The following SLC25A17 variants were observed in gnomAD, a reference collection of about 807,000 sequenced individuals.
The protein encoded by SLC25A17 is solute carrier family 25 member 17, also known as peroxisomal membrane protein PMP34.
SLC25A17 carries 26 observed loss-of-function variants against 38.5 expected under a neutral mutation model. The observed-to-expected ratio is 0.68, with a 90% confidence interval of 0.50 to 0.94. The LOEUF (loss-of-function observed/expected upper bound fraction) is 0.94, where lower values mean the gene tolerates loss of function less well. SLC25A17 is among the 40% of genes least tolerant of loss of function. SLC25A17 has a pLI of 0.00. For missense variants in SLC25A17, 333 were observed against 372.7 expected (o/e 0.89, Z 0.88); for synonymous variants, 139 against 136.2 (o/e 1.02, Z -0.14).
At chr22:40,794,610 T>C in intron 2 of SLC25A17, 30 bp from the exon 3 acceptor site, 1 of 1,489,108 alleles carries the variant, frequency 6.7e-7, no homozygotes, top group East Asian at 2.4e-5. Flanking sequence ...ATGTTTATTT[T>C]ATTAATTAAA....
intron 1 of SLC25A17, chr22:40,817,208 T>C (rs531724560): frequency 3.5e-4 from 53 of 152,378 alleles, no homozygotes; most frequent in African/African-American, 1.3e-3. Flanking sequence ...CTCACCTTAC[T>C]TGACCCATCA....
chr22:40,777,028 T>C lies in SLC25A17; in HGVS notation c.693+12A>G. 6.2e-7 allele frequency: 1 copy of C among 1,611,678 alleles called. No individual in the cohort carries two copies. The highest frequency in any genetic ancestry group is 8.5e-7 in the Non-Finnish European group (1 of 1,177,808). On this transcript the variant is annotated intron_variant, in intron 7 of 8. Coordinates refer to ENST00000435456, the MANE Select transcript of SLC25A17 (RefSeq NM_006358.4). Reference sequence around the variant, plus strand: ...CTGTTTGACTAAATGCGAAGAGAACTCCAGCACTCACCCTCAGAATTGACT... The same window carrying C: ...CTGTTTGACTAAATGCGAAGAGAACCCCAGCACTCACCCTCAGAATTGACT...
intron 1 of SLC25A17, 33 bp from the exon 2 acceptor site, chr22:40,799,116 A>G (rs370456437): frequency 2.7e-5 from 43 of 1,573,432 alleles, no homozygotes; most frequent in Non-Finnish European, 3.7e-5. Context: ...TTACAGCATC[A>G]CAAACATAGT....
intron 4 of SLC25A17, chr22:40,784,528 T>C (rs945887301): frequency 7.5e-5 from 19 of 253,318 alleles, no homozygotes; most frequent in Non-Finnish European, 1.2e-4. Context: ...ATCCTAGCAC[T>C]TTGGAAGGTC....
intron 1 of SLC25A17, among the ~76,000 whole-genome samples, chr22:40,800,064 G>T (rs713910): frequency 0.69 from 104,576 of 152,074 alleles, 36,706 homozygotes; most frequent in African/African-American, 0.79. Context: ...TGAAAGGACA[G>T]GTAAGAATCA....
intron 8 of SLC25A17, among the ~76,000 whole-genome samples, chr22:40,771,796 C>T (rs2057186069): frequency 6.6e-6 from 1 of 151,976 alleles, no homozygotes; most frequent in African/African-American, 2.4e-5. Context: ...TTTGCTAGCA[C>T]AACAGGTGAC....
At chr22:40,787,584 G>T (rs1015158219) in intron 4 of SLC25A17, among the ~76,000 whole-genome samples, 1 of 152,084 alleles carries the variant, frequency 6.6e-6, no homozygotes, top group Admixed American at 6.5e-5. Context: ...GCAGGAGTCT[G>T]GTATACTGAA....
rs139675561 is a variant in SLC25A17, at chr22:40,793,831, G to A, written c.182+683C>T. On this transcript the variant is annotated intron_variant, in intron 3 of 8. Transcript: ENST00000435456. ...TTCTCCATGTTGGTCAGGCTGTCTC[G>A]AACTCCTGACCTCAGGTGATCCGCC... Among the ~76,000 whole-genome samples, 198 of 152,192 alleles carry A rather than the reference G, an allele frequency of 1.3e-3. 1 individual carries two copies. Among genetic ancestry groups the A allele is most frequent in the African/African-American group, 4.6e-3 (193 of 41,532 alleles).
intron 1 of SLC25A17, among the ~76,000 whole-genome samples, chr22:40,813,073 C>A (rs1253238318): frequency 1.3e-5 from 2 of 152,114 alleles, no homozygotes; most frequent in African/African-American, 2.4e-5. Context: ...AGGCAAGTTA[C>A]ACAAATGGCC....
chr22:40,777,110 A>G lies in SLC25A17; in HGVS notation c.623T>C (p.Ile208Thr), dbSNP rs763431036. The G allele has an allele frequency of 1.2e-6, 2 of 1,614,218 alleles. No homozygotes were observed. The highest frequency in any genetic ancestry group is 1.1e-5 in the South Asian group (1 of 91,082). ...GGCAATCGCTTTGGCTACTGCACCA[A>G]TGATGAACACATCCAAGGAAGAAAG... is the stretch of plus-strand genomic sequence containing the variant. ...MKLSSLDVFI[I>T]GAVAKAIATT... is the part of the protein sequence containing the mutation. Residue 208 changes from isoleucine to threonine, a missense_variant, in exon 7 of 9, where the codon ATT becomes ACT. Ile to Thr is a moderately conservative substitution (Grantham distance 89, BLOSUM62 -1). Coordinates refer to ENST00000435456, the MANE Select transcript of SLC25A17 (RefSeq NM_006358.4).
chr22:40,792,526 T>C lies in SLC25A17; in HGVS notation c.333A>G (p.Ala111=). The part of the protein sequence containing the change: ...TGKDLVVGFV[A]GVVNVLLTTP... ...TTTATACCCAGAAAACCTTGTTACC[T>C]GCAACAAACCCAACTACCAGATCTT... The change falls in exon 4 of 9, where the codon GCA becomes GCG. Residue 111 remains alanine (A), a splice_region_variant and synonymous_variant. Transcript: ENST00000435456. 6.2e-7 allele frequency: 1 copy of C among 1,603,634 alleles called. No individual in the cohort carries two copies. Among genetic ancestry groups the C allele is most frequent in the East Asian group, 2.2e-5 (1 of 44,550 alleles).
intron 8 of SLC25A17, among the ~76,000 whole-genome samples, chr22:40,772,026 A>G (rs1277013586): frequency 6.6e-6 from 1 of 151,750 alleles, no homozygotes; most frequent in Non-Finnish European, 1.5e-5. Flanking sequence ...TTAAAAAAAA[A>G]AAAACAAAGC....
At chr22:40,801,619 C>G (rs1052520126) in intron 1 of SLC25A17, among the ~76,000 whole-genome samples, 1 of 152,160 alleles carries the variant, frequency 6.6e-6, no homozygotes, top group Non-Finnish European at 1.5e-5. Context: ...CAATGTCTCA[C>G]AAAACACTGA....
At position 40,775,436 on chromosome 22, in the gene SLC25A17, G is replaced by GT. The variant is rs71200615; in HGVS notation, c.694-1418dup. On this transcript the variant is annotated intron_variant, in intron 7 of 8. Transcript: ENST00000435456. ...TGAATAAGTCTCATGAGATCTGATG[G>GT]TTTTTTTTTTTTTTTTTTTTTTTTT... Among the ~76,000 whole-genome samples the GT allele has an allele frequency of 1.0e-2, 865 of 86,822 alleles. 204 individuals are homozygous for GT. The highest frequency in any genetic ancestry group is 0.014 in the African/African-American group (308 of 22,152). 57.0% of individuals were successfully genotyped at this position (86,822 alleles called of 152,430 possible).
rs185814758 is a variant in SLC25A17, at chr22:40,769,737, C to T, written c.*1097G>A. On this transcript the variant is annotated 3_prime_UTR_variant, in exon 9 of 9. Transcript: ENST00000435456. ...CACTTCTTCTCATGGGTCAGGGGTCCTATGGTCTCCTGAACTTTAATGTGG... is the reference window on the plus strand; with the variant it reads ...CACTTCTTCTCATGGGTCAGGGGTCTTATGGTCTCCTGAACTTTAATGTGG... 3 of 152,208 alleles carry T rather than the reference C, an allele frequency of 2.0e-5. No homozygotes were observed. The highest frequency in any genetic ancestry group is 2.9e-5 in the Non-Finnish European group (2 of 68,006). 9.4% of individuals were successfully genotyped at this position (152,208 alleles called of 1,614,324 possible).
At chr22:40,772,886 G>A (rs1048513542) in intron 8 of SLC25A17, among the ~76,000 whole-genome samples, 9 of 152,020 alleles carry the variant, frequency 5.9e-5, no homozygotes, top group African/African-American at 2.2e-4. Context: ...CTATCCTCCT[G>A]TCTCAGCCTT....
intron 4 of SLC25A17, among the ~76,000 whole-genome samples, chr22:40,788,380 C>T (rs898312084): frequency 6.6e-6 from 1 of 152,084 alleles, no homozygotes; most frequent in African/African-American, 2.4e-5. Context: ...TGAAATATAA[C>T]CAAGATGAGG....
At chr22:40,771,357 G>A (rs529154461) in intron 8 of SLC25A17, among the ~76,000 whole-genome samples, 1 of 152,258 alleles carries the variant, frequency 6.6e-6, no homozygotes, top group African/African-American at 2.4e-5. Flanking sequence ...TGATCTGCCC[G>A]CCTCAGCCTC....
Position 40,789,570 on chromosome 22 carries a change from G to A in SLC25A17, c.334+2955C>T, listed in dbSNP as rs574316824. Among the ~76,000 whole-genome samples the A allele has an allele frequency of 1.3e-5, 2 of 152,186 alleles. No individual in the cohort carries two copies. The highest frequency in any genetic ancestry group is 4.2e-4 in the South Asian group (2 of 4,818). On this transcript the variant is annotated intron_variant, in intron 4 of 8. Transcript: ENST00000435456. The surrounding 1 kb of genome is among the most constrained non-coding windows in gnomAD (Gnocchi z 4.5). ...TGCCCAGGCTGGAGTGCAGTGGCAT[G>A]ATCTTGGCTCACTGCAACCTCTGCC...
Sources: allele counts gnomAD v4.1 joint callset (sites outside exome capture counted in the v4.1 genomes callset), GRCh38; gene constraint gnomAD v4.1.1; non-coding constraint Gnocchi (gnomAD v3.1); transcripts MANE v1.5; gene names NCBI Gene and HGNC (gene_info 2026-07-23, HGNC 2026-07-21).